The following PSMD2 variants were observed in gnomAD, a reference collection of about 807,000 sequenced individuals.
PSMD2 encodes the protein proteasome 26S subunit ubiquitin receptor, non-ATPase 2.
A neutral mutation model predicts 101.5 loss-of-function variants in PSMD2; 8 were observed. The ratio of observed to expected loss-of-function variants is 0.08; its 90% confidence interval spans 0.05 to 0.14. The LOEUF (loss-of-function observed/expected upper bound fraction) is 0.14. Ranked by LOEUF, PSMD2 falls within the 10% of genes least tolerant of loss-of-function variation. The pLI is 1.00. For missense variants in PSMD2, 784 were observed against 1,147.4 expected, an observed-to-expected ratio of 0.68 and a Z score of 4.58; for synonymous variants, 418 against 433.8, an observed-to-expected ratio of 0.96 and a Z score of 0.45.
Position 184,307,270 on chromosome 3 carries a change from GC to G in PSMD2, c.2035-82del, listed in dbSNP as rs1721863717. The G allele has an allele frequency of 1.9e-5, 28 of 1,443,288 alleles. 1 individual carries two copies. The Middle Eastern group carries it at 3.4e-3, about 176-fold the overall frequency. 89.4% of individuals were successfully genotyped at this position (1,443,288 alleles called of 1,614,324 possible). A position where few individuals can be genotyped will look rare whatever the true frequency, so the allele number is the denominator to read the frequency against. On this transcript the variant is annotated intron_variant, in intron 16 of 20. Transcript: ENST00000310118. ...CTGTGCCTTTTCTACAGAAGTTAAG[GC>G]CCCCTTTTACCCATCAGTCCACTCC...
At chr3:184,307,265 T>C in intron 16 of PSMD2, 92 bp from the exon 17 acceptor site, 1 of 1,418,420 alleles carries the variant, frequency 7.1e-7, no homozygotes, top group Non-Finnish European at 9.7e-7. Context: ...TCTACAGAAG[T>C]TAAGGCCCCC....
chr3:184,299,337 C>T lies in PSMD2; in HGVS notation c.71C>T (p.Thr24Met). Reference sequence around the variant, plus strand: ...TCTCCAGCGGCGGCCCCCGGCGGCACGGACGAGAAGCCGAGCGGCAAGGAG... The same window carrying T: ...TCTCCAGCGGCGGCCCCCGGCGGCATGGACGAGAAGCCGAGCGGCAAGGAG... ...QQSPAAAPGG[T>M]DEKPSGKERR... is the part of the protein sequence containing the mutation. The change falls in exon 1 of 21, where the codon ACG becomes ATG. Residue 24 changes from threonine to methionine, a missense_variant. Transcript: ENST00000310118. The T allele has an allele frequency of 7.1e-7, 1 of 1,410,034 alleles. No individual in the cohort carries two copies. The highest frequency in any genetic ancestry group is 3.0e-5 in the East Asian group (1 of 33,294). The allele number at this position is 1,410,034 out of a possible 1,614,324, so 87.3% of individuals were successfully genotyped here. A position where few individuals can be genotyped will look rare whatever the true frequency, so the allele number is the denominator to read the frequency against.
chr3:184,307,830 G>C, intron 18 of PSMD2, 60 bp from the exon 19 acceptor site: 1 of 1,611,564 alleles, frequency 6.2e-7, no homozygotes, highest in African/African-American at 1.3e-5. Context: ...TGTTTGGCTG[G>C]GTTAGGCGAT....
In PSMD2 at chr3:184,305,807, G is replaced by C; in HGVS notation, c.1579G>C (p.Val527Leu). 1 of 1,614,194 alleles carries C rather than the reference G, an allele frequency of 6.2e-7. No homozygotes were observed. ...VTALACGMIA[V>L]GSCNGDVTST... ...AGCTTTAGCCTGTGGAATGATAGCAGTAGGGTCCTGCAATGGAGATGTAAC... is the reference window on the plus strand; with the variant it reads ...AGCTTTAGCCTGTGGAATGATAGCACTAGGGTCCTGCAATGGAGATGTAAC... Residue 527 changes from valine (V) to leucine (L), a missense_variant, in exon 13 of 21, where the codon GTA becomes CTA. By Grantham distance (32) the Val-to-Leu change is conservative (BLOSUM62 1). This residue lies in a region of PSMD2 where 282 missense variants were observed against 437.6 expected (regional missense o/e 0.64). Transcript: ENST00000310118.
In PSMD2 at chr3:184,306,330, C is replaced by G; in HGVS notation, c.1805-20C>G. ...GTAACTTCTCATTTCTGTCCATTCT[C>G]CCTCACCACCCTGACGCAGGCTCTG... On this transcript the variant is annotated intron_variant, in intron 14 of 20. Coordinates refer to ENST00000310118, the MANE Select transcript of PSMD2 (RefSeq NM_002808.5). 6.2e-7 allele frequency: 1 copy of G among 1,610,398 alleles called. No individual in the cohort carries two copies.
At position 184,308,836 on chromosome 3, in the gene PSMD2, C is replaced by T. The variant is rs764580346; in HGVS notation, c.2673C>T (p.Thr891=). ...ELATEEFLPV[T]PILEGFVILR... ...CCACTGAGGAGTTTCTTCCTGTTACCCCCATTCTGGAAGGTTTTGTTATCC... is the reference window on the plus strand; with the variant it reads ...CCACTGAGGAGTTTCTTCCTGTTACTCCCATTCTGGAAGGTTTTGTTATCC... Residue 891 remains threonine, a synonymous_variant, in exon 21 of 21, where the codon ACC becomes ACT. Coordinates refer to ENST00000310118, the MANE Select transcript of PSMD2 (RefSeq NM_002808.5). The surrounding 1 kb of genome is among the most constrained non-coding windows in gnomAD (Gnocchi z 6.0). 6.2e-7 allele frequency: 1 copy of T among 1,613,014 alleles called. No homozygotes were observed. The highest frequency in any genetic ancestry group is 8.5e-7 in the Non-Finnish European group (1 of 1,180,016).
In PSMD2 at chr3:184,304,267, G is replaced by T; in HGVS notation, c.1452-37G>T. On this transcript the variant is annotated intron_variant, in intron 11 of 20. Coordinates refer to ENST00000310118, the MANE Select transcript of PSMD2 (RefSeq NM_002808.5). The surrounding 1 kb of genome is among the most constrained non-coding windows in gnomAD (Gnocchi z 4.1). Reference sequence around the variant, plus strand: ...TGTTCTTTTCTTGCTGCATCGTTGGGTATGTGTTGGGGACCGCCTTTCCAT... The same window carrying T: ...TGTTCTTTTCTTGCTGCATCGTTGGTTATGTGTTGGGGACCGCCTTTCCAT... 6.3e-7 allele frequency: 1 copy of T among 1,596,854 alleles called. No homozygotes were observed. Among genetic ancestry groups the T allele is most frequent in the Non-Finnish European group, 8.6e-7 (1 of 1,164,218 alleles).
intron 13 of PSMD2, 37 bp from the exon 14 acceptor site, chr3:184,306,017 G>A: frequency 6.2e-7 from 1 of 1,613,812 alleles, no homozygotes; most frequent in Admixed American, 1.7e-5. Context: ...GCTGGATGGA[G>A]GCAAGTATCC....
At position 184,302,012 on chromosome 3, in the gene PSMD2, C is replaced by T. The variant is rs1259512948; in HGVS notation, c.645C>T (p.Asp215=). 6.2e-7 allele frequency: 1 copy of T among 1,614,078 alleles called. No individual in the cohort carries two copies. The highest frequency in any genetic ancestry group is 2.2e-5 in the East Asian group (1 of 44,896). Residue 215 remains aspartate (D), a synonymous_variant, in exon 5 of 21, where the codon GAC becomes GAT. Transcript: ENST00000310118. ...CDLLMEIEQV[D]MLEKDIDENA... is the part of the protein sequence containing the mutation. ...TGCTTATGGAAATTGAGCAGGTGGA[C>T]ATGCTGGAGAAGGACATTGATGAAA...
In PSMD2 at chr3:184,304,537, C is replaced by T. The variant is rs780515485; in HGVS notation, c.1539+146C>T. On this transcript the variant is annotated intron_variant, in intron 12 of 20. Transcript: ENST00000310118. The surrounding 1 kb of genome is among the most constrained non-coding windows in gnomAD (Gnocchi z 4.1). ...TGGTGTGTATTGAGGGGCGTCACCT[C>T]AGTGAAACCCCTTGATCTGGGATTC... The T allele has an allele frequency of 2.6e-6, 2 of 781,496 alleles. No homozygotes were observed. The highest frequency in any genetic ancestry group is 1.7e-5 in the African/African-American group (1 of 58,754). 48.4% of individuals were successfully genotyped at this position (781,496 alleles called of 1,614,324 possible). A position where few individuals can be genotyped will look rare whatever the true frequency, so the allele number is the denominator to read the frequency against.
In PSMD2 at chr3:184,303,725, G is replaced by A; in HGVS notation, c.1299G>A (p.Leu433=). ...GCCTCACCCAGATTGACAAGTACCT[G>A]TACTCCTCTGAGGACTACATTAAGG... is the stretch of plus-strand genomic sequence containing the variant. The part of the protein sequence containing the change: ...DGGLTQIDKY[L]YSSEDYIKSG... Residue 433 remains leucine (L), a synonymous_variant, in exon 10 of 21, where the codon CTG becomes CTA. Transcript: ENST00000310118. The A allele has an allele frequency of 9.3e-6, 15 of 1,614,180 alleles. No homozygotes were observed. The highest frequency in any genetic ancestry group is 1.3e-5 in the African/African-American group (1 of 75,030).
chr3:184,299,662 G>A, intron 1 of PSMD2, 189 bp from the exon 2 acceptor site: 2 of 628,014 alleles, frequency 3.2e-6, no homozygotes, highest in East Asian at 5.7e-5. Flanking sequence ...TCCTAGAGTG[G>A]CATTCAAGTA....
chr3:184,300,025 ATGT>A, intron 2 of PSMD2, 118 bp downstream of exon 2: 1 of 1,012,206 alleles, frequency 9.9e-7, no homozygotes, highest in Non-Finnish European at 1.6e-6. Flanking sequence ...TGTTATGATG[ATGT>A]TGGGAGGCAG....
At chr3:184,303,522 T>C in intron 9 of PSMD2, 56 bp downstream of exon 9, 1 of 1,606,998 alleles carries the variant, frequency 6.2e-7, no homozygotes, top group East Asian at 2.2e-5. Flanking sequence ...TCTTTTGTCC[T>C]CTTGGAGTCA....
intron 18 of PSMD2, 44 bp downstream of exon 18, chr3:184,307,752 T>C: frequency 6.2e-7 from 1 of 1,607,032 alleles, no homozygotes; most frequent in Non-Finnish European, 8.5e-7. Flanking sequence ...GGGAAGTATC[T>C]GTGGTGATGG....
intron 3 of PSMD2, 133 bp downstream of exon 3, chr3:184,300,577 A>G: frequency 6.9e-7 from 1 of 1,442,288 alleles, no homozygotes; most frequent in South Asian, 1.5e-5. Context: ...AGTTCATCAC[A>G]GTCAAAATAT....
chr3:184,308,631 T>C lies in PSMD2; in HGVS notation c.2544+64T>C, dbSNP rs1043428344. 30 of 1,586,590 alleles carry C rather than the reference T, an allele frequency of 1.9e-5. No individual in the cohort carries two copies. The highest frequency in any genetic ancestry group is 2.2e-5 in the Non-Finnish European group (26 of 1,157,178). ...CTCAAACTGGAGAATGTACATATAC[T>C]TGCTTTGCTGAAACTGGCGTGGGCG... On this transcript the variant is annotated intron_variant, in intron 20 of 20. Transcript: ENST00000310118. The surrounding 1 kb of genome is among the most constrained non-coding windows in gnomAD (Gnocchi z 6.0).
At position 184,300,314 on chromosome 3, in the gene PSMD2, A is replaced by C. The variant is rs1325224898; in HGVS notation, c.227A>C (p.Glu76Ala). The C allele has an allele frequency of 1.9e-6, 3 of 1,613,812 alleles. No homozygotes were observed. The highest frequency in any genetic ancestry group is 3.3e-5 in the Admixed American group (2 of 59,994). Residue 76 changes from glutamate (E) to alanine (A), a missense_variant, in exon 3 of 21, where the codon GAG becomes GCG. This residue lies in a region of PSMD2 where 196 missense variants were observed against 182.4 expected (regional missense o/e 1.07). Coordinates refer to ENST00000310118, the MANE Select transcript of PSMD2 (RefSeq NM_002808.5). ...ACATCCCTGTATCGACCAGCGCTGG[A>C]GGAATTGCGAAGGCAGATTCGTTCT... is the stretch of plus-strand genomic sequence containing the variant. ...KDTSLYRPALEELRRQIRSST... is the reference protein window; with the variant it reads ...KDTSLYRPALAELRRQIRSST...
rs548940296 is a variant in PSMD2, at chr3:184,299,323, G to T, written c.57G>T (p.Ala19=). 1.1e-4 allele frequency: 160 copies of T among 1,402,478 alleles called. 1 individual carries two copies. In the South Asian group the frequency reaches 1.9e-3, roughly 17 times the overall value. 86.9% of individuals were successfully genotyped at this position (1,402,478 alleles called of 1,614,324 possible). The stretch of plus-strand genomic sequence containing the variant: ...TGCAGCCCCAGCAGTCTCCAGCGGC[G>T]GCCCCCGGCGGCACGGACGAGAAGC... ...APVQPQQSPA[A]APGGTDEKPS... The change falls in exon 1 of 21, where the codon GCG becomes GCT. Residue 19 remains alanine (A), a synonymous_variant. Coordinates refer to ENST00000310118, the MANE Select transcript of PSMD2 (RefSeq NM_002808.5).
Sources: allele counts gnomAD v4.1 joint callset, GRCh38; gene constraint gnomAD v4.1.1; regional missense constraint gnomAD v4.1.1; non-coding constraint Gnocchi (gnomAD v3.1); transcripts MANE v1.5; gene names NCBI Gene and HGNC (gene_info 2026-07-23, HGNC 2026-07-21).